HEMK2: variants seen among roughly 807,000 people sequenced by gnomAD.
The protein encoded by HEMK2 is HemK methyltransferase 2, ETF1 glutamine and histone H4 lysine.
the HEMK2 span, among the ~76,000 whole-genome samples, chr21:28,724,489 C>G: frequency 6.6e-6 from 1 of 152,188 alleles, no homozygotes; most frequent in Non-Finnish European, 1.5e-5. Flanking sequence ...TGCTTATTTC[C>G]TATTAACTCC....
chr21:28,835,418 G>C, the HEMK2 span, among the ~76,000 whole-genome samples: 1 of 152,286 alleles, frequency 6.6e-6, no homozygotes, highest in Non-Finnish European at 1.5e-5. Context: ...CATCTCACAG[G>C]AAGTCACATC....
At chr21:28,617,420 T>A in the HEMK2 span, among the ~76,000 whole-genome samples, 84 of 152,356 alleles carry the variant, frequency 5.5e-4, no homozygotes, top group African/African-American at 2.0e-3. Flanking sequence ...AGTCCCTTAA[T>A]GGTGTCAGTA....
At chr21:28,665,359 C>CTTTTTTTTTTTTTTTTTTTTT in the HEMK2 span, among the ~76,000 whole-genome samples, 1 of 29,000 alleles carries the variant, frequency 3.4e-5, no homozygotes, top group African/African-American at 2.0e-4. Flanking sequence ...TTTTTTTTTA[C>CTTTTTTTTTTTTTTTTTTTTT]TTTTTAATTT....
At chr21:28,742,012 G>A in the HEMK2 span, among the ~76,000 whole-genome samples, 8 of 152,274 alleles carry the variant, frequency 5.3e-5, no homozygotes, top group Middle Eastern at 0.01. Flanking sequence ...GGGAAAGCAA[G>A]CCTGGGTTTG....
At chr21:28,581,218 G>C in the HEMK2 span, among the ~76,000 whole-genome samples, 5 of 146,354 alleles carry the variant, frequency 3.4e-5, no homozygotes, top group African/African-American at 1.3e-4. Context: ...TGGTGCAAAA[G>C]TATGGCTTTT....
chr21:28,635,094 T>C, the HEMK2 span, among the ~76,000 whole-genome samples: 1 of 144,066 alleles, frequency 6.9e-6, no homozygotes, highest in Non-Finnish European at 1.5e-5. Flanking sequence ...GTGTTTAATG[T>C]CCTCATCTTT....
At chr21:28,756,586 A>G in the HEMK2 span, among the ~76,000 whole-genome samples, 1 of 152,336 alleles carries the variant, frequency 6.6e-6, no homozygotes, top group Admixed American at 6.5e-5. Flanking sequence ...TGTGAGATAG[A>G]TATCACTTAT....
the HEMK2 span, among the ~76,000 whole-genome samples, chr21:28,847,715 A>G: frequency 6.6e-6 from 1 of 152,222 alleles, no homozygotes; most frequent in South Asian, 2.1e-4. Flanking sequence ...GCAAAATGCT[A>G]TTTCCTAGAT....
At chr21:28,668,062 G>T in the HEMK2 span, among the ~76,000 whole-genome samples, 1 of 152,174 alleles carries the variant, frequency 6.6e-6, no homozygotes, top group Non-Finnish European at 1.5e-5. Context: ...GAGTGTTCTA[G>T]GTCCTGGTCA....
the HEMK2 span, among the ~76,000 whole-genome samples, chr21:28,720,172 T>C: frequency 1.4e-4 from 21 of 152,148 alleles, no homozygotes; most frequent in African/African-American, 5.1e-4. Flanking sequence ...ATACTAACAA[T>C]CCAACAATAG....
the HEMK2 span, among the ~76,000 whole-genome samples, chr21:28,727,083 T>G: frequency 6.6e-6 from 1 of 151,768 alleles, no homozygotes; most frequent in African/African-American, 2.4e-5. Flanking sequence ...AGTAGGAACA[T>G]GAAAAGGGCA....
chr21:28,728,582 CA>C, the HEMK2 span, among the ~76,000 whole-genome samples: 2 of 152,214 alleles, frequency 1.3e-5, no homozygotes, highest in African/African-American at 4.8e-5. Flanking sequence ...CTACAGACCA[CA>C]GGGGGTGGAA....
At chr21:28,760,618 T>A in the HEMK2 span, among the ~76,000 whole-genome samples, 22 of 152,326 alleles carry the variant, frequency 1.4e-4, no homozygotes, top group African/African-American at 5.3e-4. Flanking sequence ...CATAACTCTT[T>A]GGTTCCCTTT....
chr21:28,745,357 T>C, the HEMK2 span, among the ~76,000 whole-genome samples: 3 of 152,226 alleles, frequency 2.0e-5, no homozygotes, highest in East Asian at 1.9e-4. Flanking sequence ...TTTGTACACA[T>C]AGACATGATA....
chr21:28,842,463 T>C, the HEMK2 span, among the ~76,000 whole-genome samples: 8 of 152,130 alleles, frequency 5.3e-5, no homozygotes, highest in African/African-American at 1.9e-4. Context: ...CATGAAATAA[T>C]TGGATGCTTG....
At chr21:28,782,973 A>G in the HEMK2 span, among the ~76,000 whole-genome samples, 1 of 152,232 alleles carries the variant, frequency 6.6e-6, no homozygotes, top group African/African-American at 2.4e-5. Context: ...AGTGCTGGTA[A>G]CAGTGTAGAA....
chr21:28,651,430 T>C, the HEMK2 span, among the ~76,000 whole-genome samples: 4 of 152,304 alleles, frequency 2.6e-5, no homozygotes, highest in South Asian at 6.2e-4. Context: ...GTGATGGTAG[T>C]TTATCAAAAA....
the HEMK2 span, among the ~76,000 whole-genome samples, chr21:28,665,980 T>A: frequency 1.3e-5 from 2 of 152,256 alleles, no homozygotes; most frequent in African/African-American, 4.8e-5. Flanking sequence ...AATAAACTTA[T>A]AAATCTGAGG....
the HEMK2 span, among the ~76,000 whole-genome samples, chr21:28,778,990 T>A: frequency 6.6e-6 from 1 of 152,180 alleles, no homozygotes; most frequent in Non-Finnish European, 1.5e-5. Context: ...GGTATCCAGA[T>A]CAACCCAAAG....
Sources: gnomAD v4.1 joint callset for allele counts (sites outside exome capture counted in the v4.1 genomes callset) on GRCh38, gnomAD v4.1.1 for gene constraint, MANE v1.5 for transcripts, NCBI Gene and HGNC (gene_info 2026-07-23, HGNC 2026-07-21) for gene names.